Variants in PTPRD observed in about 807,000 individuals in gnomAD.
PTPRD encodes protein tyrosine phosphatase receptor type D, also known as receptor-type tyrosine-protein phosphatase delta.
Under a neutral mutation model 214.5 loss-of-function variants are expected in PTPRD, and 34 were observed. The ratio of observed to expected loss-of-function variants is 0.16; its 90% CI spans 0.12 to 0.21. The LOEUF is 0.21. PTPRD is among the 10% of genes least tolerant of loss of function. The pLI, the probability that PTPRD is intolerant of heterozygous loss-of-function variation, is 1.00. For missense variants in PTPRD, 2,545 were observed against 2,398.7 expected, an observed-to-expected ratio of 1.06 and a Z score of -1.27; for synonymous variants, 1,128 against 845.7, an observed-to-expected ratio of 1.33 and a Z score of -5.79.
intron 4 of PTPRD, among the ~76,000 whole-genome samples, chr9:10,017,714 A>ATTC (rs944949624): frequency 2.2e-4 from 33 of 152,220 alleles, no homozygotes; most frequent in African/African-American, 7.9e-4. Context: ...TGGAATCTGT[A>ATTC]TTCTGTTCTT....
At chr9:8,703,240 T>C (rs2098129300) in intron 12 of PTPRD, among the ~76,000 whole-genome samples, 1 of 152,210 alleles carries the variant, frequency 6.6e-6, no homozygotes, top group Admixed American at 6.5e-5. Context: ...AGAAATATGA[T>C]AAAGTCTAGA....
chr9:10,382,326 C>T (rs529756844), intron 2 of PTPRD, among the ~76,000 whole-genome samples: 2 of 152,002 alleles, frequency 1.3e-5, no homozygotes, highest in East Asian at 3.9e-4. Flanking sequence ...ATCAGTCTAG[C>T]TTATTGAATT....
chr9:9,102,087 CTTCTT>C (rs2099792188), intron 10 of PTPRD, among the ~76,000 whole-genome samples: 1 of 152,116 alleles, frequency 6.6e-6, no homozygotes, highest in African/African-American at 2.4e-5. Flanking sequence ...CATACAGACT[CTTCTT>C]TTAAATGTAA....
intron 10 of PTPRD, among the ~76,000 whole-genome samples, chr9:9,168,956 A>G (rs1488270704): frequency 6.6e-6 from 1 of 151,866 alleles, no homozygotes; most frequent in African/African-American, 2.4e-5. Flanking sequence ...ATAATAAAAA[A>G]TAATTTGGAT....
intron 14 of PTPRD, among the ~76,000 whole-genome samples, chr9:8,616,694 C>G (rs187226841): frequency 1.4e-4 from 21 of 152,220 alleles, no homozygotes; most frequent in Admixed American, 1.2e-3. Flanking sequence ...AATAGATACC[C>G]TACTTTCAGA....
At chr9:10,218,386 T>C (rs1374300389) in intron 3 of PTPRD, among the ~76,000 whole-genome samples, 3 of 151,880 alleles carry the variant, frequency 2.0e-5, no homozygotes, top group African/African-American at 7.2e-5. Context: ...TTTTAAAATA[T>C]AGTTTTTAGA....
chr9:8,404,647 C>G lies in PTPRD; in HGVS notation c.4100G>C (p.Gly1367Ala), dbSNP rs2092784036. The stretch of plus-strand genomic sequence containing the variant: ...TGAATGTTCCCAAGTGAACTGCTGG[C>G]CAGGGTCAATTGACTTTAAAAGGAA... ...FSQEYESIDP[G>A]QQFTWEHSNL... Residue 1367 changes from glycine (G) to alanine (A), a missense_variant, in exon 36 of 46, where the codon GGC becomes GCC. Coordinates refer to ENST00000381196, the MANE Select transcript of PTPRD (RefSeq NM_002839.4). 1 of 1,610,346 alleles carries G rather than the reference C, an allele frequency of 6.2e-7. No individual in the cohort carries two copies. Among genetic ancestry groups the G allele is most frequent in the African/African-American group, 1.3e-5 (1 of 74,992 alleles).
At chr9:9,979,942 GAAAAGT>G (rs1428208686) in intron 4 of PTPRD, among the ~76,000 whole-genome samples, 2 of 152,142 alleles carry the variant, frequency 1.3e-5, no homozygotes, top group African/African-American at 4.8e-5. Flanking sequence ...ATGACACTGA[GAAAAGT>G]AAAATTCGAT....
chr9:10,145,022 T>C (rs1216182751), intron 3 of PTPRD, among the ~76,000 whole-genome samples: 1 of 151,970 alleles, frequency 6.6e-6, no homozygotes, highest in Non-Finnish European at 1.5e-5. Context: ...AAAAAAAATA[T>C]GAAAATAAAC....
chr9:8,910,966 G>A (rs529669824), intron 11 of PTPRD, among the ~76,000 whole-genome samples: 1 of 152,220 alleles, frequency 6.6e-6, no homozygotes, highest in Non-Finnish European at 1.5e-5. Context: ...AATTAATGGA[G>A]AGACATTCCA....
intron 3 of PTPRD, among the ~76,000 whole-genome samples, chr9:10,327,041 A>G (rs2096655712): frequency 6.6e-6 from 1 of 151,362 alleles, no homozygotes; most frequent in African/African-American, 2.4e-5. Flanking sequence ...TGTTTGATAA[A>G]TTAACTGATT....
chr9:10,328,085 A>G (rs1189619849), intron 3 of PTPRD, among the ~76,000 whole-genome samples: 1 of 151,742 alleles, frequency 6.6e-6, no homozygotes, highest in Non-Finnish European at 1.5e-5. Flanking sequence ...CACTAAACAA[A>G]CAAAAAAACT....
At chr9:8,889,460 A>G (rs1454826755) in intron 11 of PTPRD, among the ~76,000 whole-genome samples, 2 of 152,184 alleles carry the variant, frequency 1.3e-5, no homozygotes, top group Admixed American at 1.3e-4. Flanking sequence ...ATATATATTT[A>G]AAATTTTTTA....
chr9:9,490,854 G>A lies in PTPRD; in HGVS notation c.-237+83878C>T, dbSNP rs1379975361. Among the ~76,000 whole-genome samples the A allele has an allele frequency of 2.0e-5, 3 of 151,484 alleles. No individual in the cohort carries two copies. In the East Asian group the frequency reaches 5.8e-4, roughly 29 times the overall value. ...TATAGAAAAAAATAGCAAAAAGACA[G>A]AGGTAAGTTATTCCTTATTAGTAAT... is the stretch of plus-strand genomic sequence containing the variant. On this transcript the variant is annotated intron_variant, in intron 8 of 45. Coordinates refer to ENST00000381196, the MANE Select transcript of PTPRD (RefSeq NM_002839.4).
intron 14 of PTPRD, among the ~76,000 whole-genome samples, chr9:8,626,419 A>G (rs2096038436): frequency 6.6e-6 from 1 of 151,676 alleles, no homozygotes; most frequent in African/African-American, 2.4e-5. Flanking sequence ...TACTACTACT[A>G]TTTTACTTCT....
At chr9:8,645,133 G>T (rs2096659815) in intron 12 of PTPRD, among the ~76,000 whole-genome samples, 1 of 152,134 alleles carries the variant, frequency 6.6e-6, no homozygotes, top group Admixed American at 6.5e-5. Flanking sequence ...TCTTCTCAAG[G>T]GATTGGCACG....
At chr9:8,466,400 G>T (rs541310167) in intron 31 of PTPRD, among the ~76,000 whole-genome samples, 35 of 151,926 alleles carry the variant, frequency 2.3e-4, no homozygotes, top group Admixed American at 7.2e-4. Flanking sequence ...TTTTAGTACT[G>T]CCCTGAAGAA....
chr9:10,416,257 C>A (rs2098486523), intron 2 of PTPRD, among the ~76,000 whole-genome samples: 1 of 151,776 alleles, frequency 6.6e-6, no homozygotes, highest in African/African-American at 2.4e-5. Flanking sequence ...ACTCAGGAGG[C>A]TGAGGCAGGA....
At chr9:9,884,958 G>T (rs926508022) in intron 5 of PTPRD, among the ~76,000 whole-genome samples, 8 of 152,078 alleles carry the variant, frequency 5.3e-5, no homozygotes, top group Admixed American at 2.0e-4. Context: ...TTTATTAGCA[G>T]TGTGAGAACG....
Sources: allele counts gnomAD v4.1 joint callset (sites outside exome capture counted in the v4.1 genomes callset), GRCh38; gene constraint gnomAD v4.1.1; transcripts MANE v1.5; gene names NCBI Gene and HGNC (gene_info 2026-07-23, HGNC 2026-07-21).